Variants in TCF21 observed in about 807,000 individuals in gnomAD.
TCF21 encodes capsulin.
A neutral mutation model predicts 13.5 loss-of-function variants in TCF21; 3 were observed. The ratio of observed to expected loss-of-function variants is 0.22; its 90% CI spans 0.10 to 0.57. TCF21 has a LOEUF of 0.57. Ranked by LOEUF, TCF21 falls within the 20% of genes least tolerant of loss-of-function variation. The pLI, the probability that TCF21 is intolerant of heterozygous loss-of-function variation, is 0.92. For synonymous variants in TCF21, 92 were observed against 101.7 expected, an observed-to-expected ratio of 0.90 and a Z score of 0.57; for missense variants, 181 against 238.4, an observed-to-expected ratio of 0.76 and a Z score of 1.59.
chr6:133,889,769 G>A lies in TCF21; in HGVS notation c.372G>A (p.Ala124=), dbSNP rs201214778. The A allele has an allele frequency of 1.9e-6, 3 of 1,613,430 alleles. No individual in the cohort carries two copies. Among genetic ancestry groups the A allele is most frequent in the East Asian group, 2.2e-5 (1 of 44,866 alleles). The change falls in exon 1 of 2, where the codon GCG becomes GCA. Residue 124 remains alanine (A), a synonymous_variant. Transcript: ENST00000367882. This position sits in a 1 kb window ranked among gnomAD's most constrained non-coding sequence, Gnocchi z 5.1. ...KLSKLDTLRL[A]SSYIAHLRQI... is the part of the protein sequence containing the mutation. ...CCAAGCTGGACACGCTCAGGCTGGCGTCCAGCTACATCGCCCACTTGAGGC... is the reference window on the plus strand; with the variant it reads ...CCAAGCTGGACACGCTCAGGCTGGCATCCAGCTACATCGCCCACTTGAGGC...
At position 133,889,150 on chromosome 6, in the gene TCF21, G is replaced by A; in HGVS notation, c.-248G>A. The A allele has an allele frequency of 1.8e-6, 1 of 570,080 alleles. No individual in the cohort carries two copies. The highest frequency in any genetic ancestry group is 1.9e-5 in the African/African-American group (1 of 53,302). The allele number at this position is 570,080 out of a possible 1,614,324, so 35.3% of individuals were successfully genotyped here. A position where few individuals can be genotyped will look rare whatever the true frequency, so the allele number is the denominator to read the frequency against. The stretch of plus-strand genomic sequence containing the variant: ...CCCTCCTCTACGGCCACGACTCTGG[G>A]AGTGGGGAAACAGAGAGCCGGTTCC... On this transcript the variant is annotated 5_prime_UTR_variant, in exon 1 of 2. Coordinates refer to ENST00000367882, the MANE Select transcript of TCF21 (RefSeq NM_003206.4). This position sits in a 1 kb window ranked among gnomAD's most constrained non-coding sequence, Gnocchi z 5.1.
Position 133,889,583 on chromosome 6 carries a change from G to T in TCF21, c.186G>T (p.Ala62=). The T allele has an allele frequency of 1.2e-6, 2 of 1,613,780 alleles. No homozygotes were observed. The highest frequency in any genetic ancestry group is 1.7e-6 in the Non-Finnish European group (2 of 1,179,864). ...GCGGCCTGGGCAAGAGGAGGAAGGCGCCCACCAAGAAGAGCCCCCTGAGCG... is the reference window on the plus strand; with the variant it reads ...GCGGCCTGGGCAAGAGGAGGAAGGCTCCCACCAAGAAGAGCCCCCTGAGCG... ...GRGGLGKRRK[A]PTKKSPLSGV... is the part of the protein sequence containing the mutation. The change falls in exon 1 of 2, where the codon GCG becomes GCT. Residue 62 remains alanine, a synonymous_variant. Transcript: ENST00000367882. The surrounding 1 kb of genome is among the most constrained non-coding windows in gnomAD (Gnocchi z 5.1).
At position 133,891,567 on chromosome 6, in the gene TCF21, G is replaced by GGACCGGGAGTAAATTGCAGAGAT. The variant is rs559168858; in HGVS notation, c.451-145_451-123dup. 1,112 of 868,432 alleles carry GGACCGGGAGTAAATTGCAGAGAT rather than the reference G, an allele frequency of 1.3e-3. 4 individuals are homozygous for GGACCGGGAGTAAATTGCAGAGAT. Among genetic ancestry groups the GGACCGGGAGTAAATTGCAGAGAT allele is most frequent in the African/African-American group, 0.011 (670 of 60,182 alleles). 53.8% of individuals were successfully genotyped at this position (868,432 alleles called of 1,614,324 possible). A position where few individuals can be genotyped will look rare whatever the true frequency, so the allele number is the denominator to read the frequency against. ...CTTTATGCAGCCGCAGGGTGCGCTA[G>GGACCGGGAGTAAATTGCAGAGAT]GACCGGGAGTAAATTGCAGAGATAA... On this transcript the variant is annotated intron_variant, in intron 1 of 1. Coordinates refer to ENST00000367882, the MANE Select transcript of TCF21 (RefSeq NM_003206.4).
At chr6:133,892,311 C>T (rs993563386), downstream of TCF21, 10 of 152,116 alleles carry the variant, frequency 6.6e-5, no homozygotes, top group African/African-American at 2.4e-4. Flanking sequence ...AAGTGGGAAA[C>T]TATGGGGAAG....
At chr6:133,890,581 C>A (rs1439155521) in intron 1 of TCF21, among the ~76,000 whole-genome samples, 1 of 152,130 alleles carries the variant, frequency 6.6e-6, no homozygotes, top group Non-Finnish European at 1.5e-5. Flanking sequence ...AATTTTTTAA[C>A]ACAAAAAACT....
rs1775228531 is a variant in TCF21 at position 133,892,089 on chromosome 6, T to C, written c.*287T>C. 6.5e-6 allele frequency: 2 copies of C among 307,820 alleles called. No individual in the cohort carries two copies. Among genetic ancestry groups the C allele is most frequent in the South Asian group, 5.7e-5 (1 of 17,682 alleles). The allele number at this position is 307,820 out of a possible 1,614,324, so 19.1% of individuals were successfully genotyped here. On this transcript the variant is annotated 3_prime_UTR_variant, in exon 2 of 2. Transcript: ENST00000367882. Reference sequence around the variant, plus strand: ...CAATATGTAATTATAAATATATAAATAGATAAGAGCCTATCAATGTATCTT... The same window carrying C: ...CAATATGTAATTATAAATATATAAACAGATAAGAGCCTATCAATGTATCTT...
Position 133,889,136 on chromosome 6 carries a change from G to C in TCF21, c.-262G>C, listed in dbSNP as rs1162201250. The C allele has an allele frequency of 5.5e-6, 3 of 548,252 alleles. No homozygotes were observed. The highest frequency in any genetic ancestry group is 3.8e-5 in the African/African-American group (2 of 52,800). The allele number at this position is 548,252 out of a possible 1,614,324, so 34.0% of individuals were successfully genotyped here. A position where few individuals can be genotyped will look rare whatever the true frequency, so the allele number is the denominator to read the frequency against. ...TCAGCGCTCGCTCACCCTCCTCTAC[G>C]GCCACGACTCTGGGAGTGGGGAAAC... On this transcript the variant is annotated 5_prime_UTR_variant, in exon 1 of 2. Coordinates refer to ENST00000367882, the MANE Select transcript of TCF21 (RefSeq NM_003206.4). The surrounding 1 kb of genome is among the most constrained non-coding windows in gnomAD (Gnocchi z 5.1).
intron 1 of TCF21, among the ~76,000 whole-genome samples, chr6:133,890,498 T>C (rs1775194628): frequency 6.6e-6 from 1 of 152,216 alleles, no homozygotes; most frequent in Non-Finnish European, 1.5e-5. Context: ...TAATAAATAC[T>C]AAAATAGGTC....
chr6:133,891,581 T>C, intron 1 of TCF21, 132 bp from the exon 2 acceptor site: 2 of 970,106 alleles, frequency 2.1e-6, no homozygotes, highest in Non-Finnish European at 3.2e-6. Flanking sequence ...CGGGAGTAAA[T>C]TGCAGAGATA....
Position 133,889,816 on chromosome 6 carries a change from A to G in TCF21, c.419A>G (p.Tyr140Cys), listed in dbSNP as rs906926431. Residue 140 changes from tyrosine to cysteine, a missense_variant, in exon 1 of 2, where the codon TAC becomes TGC. Physicochemically the swap from Tyr to Cys is radical, Grantham distance 194. Transcript: ENST00000367882. This position sits in a 1 kb window ranked among gnomAD's most constrained non-coding sequence, Gnocchi z 5.1. ...AGGCAGATCCTGGCTAACGACAAAT[A>G]CGAGAACGGGTACATTCACCCGGTC... ...HLRQILANDKYENGYIHPVNL... is the reference protein window; with the variant it reads ...HLRQILANDKCENGYIHPVNL... 2 of 1,612,778 alleles carry G rather than the reference A, an allele frequency of 1.2e-6. No homozygotes were observed. The highest frequency in any genetic ancestry group is 2.7e-5 in the African/African-American group (2 of 74,922).
At chr6:133,892,814 G>GC (rs1562636359), downstream of TCF21, 1 of 152,212 alleles carries the variant, frequency 6.6e-6, no homozygotes, top group Non-Finnish European at 1.5e-5. Context: ...CCTTTTGGTT[G>GC]CTGTTAGCGG....
chr6:133,889,351 G>T lies in TCF21; in HGVS notation c.-47G>T, dbSNP rs770899118. ...TCTCACCCTCTTCCTCGCTTTCTCT[G>T]TCTCTCTGTCTCTCTCTCTCTCTCT... On this transcript the variant is annotated 5_prime_UTR_variant, in exon 1 of 2. Transcript: ENST00000367882. The surrounding 1 kb of genome is among the most constrained non-coding windows in gnomAD (Gnocchi z 5.1). 1 of 1,588,720 alleles carries T rather than the reference G, an allele frequency of 6.3e-7. No individual in the cohort carries two copies. Among genetic ancestry groups the T allele is most frequent in the Non-Finnish European group, 8.6e-7 (1 of 1,166,260 alleles).
In TCF21 at chr6:133,891,954, A is replaced by G; in HGVS notation, c.*152A>G. Reference sequence around the variant, plus strand: ...GCGAGAACACTTTACAACGACGAGGAGATTCGTTTCCAAACCAGAGGAGAT... The same window carrying G: ...GCGAGAACACTTTACAACGACGAGGGGATTCGTTTCCAAACCAGAGGAGAT... On this transcript the variant is annotated 3_prime_UTR_variant, in exon 2 of 2. Transcript: ENST00000367882. 1.4e-6 allele frequency: 1 copy of G among 733,878 alleles called. No homozygotes were observed. The highest frequency in any genetic ancestry group is 2.7e-5 in the Admixed American group (1 of 36,484). The allele number at this position is 733,878 out of a possible 1,614,324, so 45.5% of individuals were successfully genotyped here.
intron 1 of TCF21, 36 bp from the exon 2 acceptor site, chr6:133,891,677 G>T (rs769022104): frequency 4.6e-6 from 4 of 860,774 alleles, no homozygotes; most frequent in Non-Finnish European, 4.6e-6. Flanking sequence ...CCTCCGCCAC[G>T]GCCACTTACC....
downstream of TCF21, chr6:133,894,469 G>A (rs1562637164): frequency 6.6e-6 from 1 of 152,310 alleles, no homozygotes. Flanking sequence ...ATGGAGTGAG[G>A]ATCAAGGTGG....
At chr6:133,892,814 G>C (rs761779244), downstream of TCF21, 2 of 152,212 alleles carry the variant, frequency 1.3e-5, no homozygotes, top group African/African-American at 4.8e-5. Flanking sequence ...CCTTTTGGTT[G>C]CTGTTAGCGG....
chr6:133,889,430 C>T lies in TCF21; in HGVS notation c.33C>T (p.Asp11=), dbSNP rs749150716. ...CCGGCTCCCTCAGCGATGTGGAGGA[C>T]CTTCAAGAGGTGGAGATGTTGGAAT... MSTGSLSDVE[D]LQEVEMLECD... Residue 11 remains aspartate (D), a synonymous_variant, in exon 1 of 2, where the codon GAC becomes GAT. Transcript: ENST00000367882. This position sits in a 1 kb window ranked among gnomAD's most constrained non-coding sequence, Gnocchi z 5.1. The T allele has an allele frequency of 1.2e-6, 2 of 1,613,960 alleles. No individual in the cohort carries two copies. Among genetic ancestry groups the T allele is most frequent in the Non-Finnish European group, 1.7e-6 (2 of 1,180,016 alleles).
chr6:133,893,814 C>T (rs1202529601), downstream of TCF21: 11 of 152,134 alleles, frequency 7.2e-5, no homozygotes, highest in East Asian at 1.2e-3. Flanking sequence ...TAATTTGAAG[C>T]CTTTGCTTTA....
At chr6:133,892,641 A>G (rs6569916), downstream of TCF21, 141,575 of 152,298 alleles carry the variant, frequency 0.93, 65,853 homozygotes, top group African/African-American at 0.96. Context: ...TCCAGGTGTG[A>G]GCATAGCTGC....
Sources: allele counts gnomAD v4.1 joint callset (sites outside exome capture counted in the v4.1 genomes callset), GRCh38; gene constraint gnomAD v4.1.1; non-coding constraint Gnocchi (gnomAD v3.1); transcripts MANE v1.5; gene names NCBI Gene and HGNC (gene_info 2026-07-23, HGNC 2026-07-21).